The following CNTN5 variants were observed in gnomAD, a reference collection of about 807,000 sequenced individuals.
CNTN5 encodes the protein contactin 5.
Under a neutral mutation model 129.1 loss-of-function variants are expected in CNTN5, and 77 were observed. That is an observed-to-expected ratio of 0.60 (90% CI 0.50 to 0.72). The LOEUF (loss-of-function observed/expected upper bound fraction) is 0.72. Among genes scored for constraint, CNTN5 ranks in the 30% least tolerant of loss-of-function variants. The pLI, the probability that CNTN5 is intolerant of heterozygous loss-of-function variation, is 0.00. For synonymous variants in CNTN5, 509 were observed against 465.6 expected (o/e 1.09, Z -1.20); for missense variants, 1,478 against 1,328.8 (o/e 1.11, Z -1.75).
chr11:100,042,810 G>T (rs1023555252), intron 9 of CNTN5, among the ~76,000 whole-genome samples: 2 of 152,102 alleles, frequency 1.3e-5, no homozygotes, highest in African/African-American at 4.8e-5. Context: ...AGATATTTTT[G>T]AGCCAAATGA....
At chr11:99,202,699 C>A (rs1186791768) in intron 1 of CNTN5, among the ~76,000 whole-genome samples, 1 of 151,390 alleles carries the variant, frequency 6.6e-6, no homozygotes, top group African/African-American at 2.4e-5. Flanking sequence ...TATAGAAACA[C>A]AGTCCAAAAA....
chr11:99,552,207 G>GTTTTTTTTTTTTTTTTT (rs758718492), intron 2 of CNTN5, among the ~76,000 whole-genome samples: 2 of 146,700 alleles, frequency 1.4e-5, no homozygotes, highest in African/African-American at 2.5e-5. Context: ...CACCTGGTCA[G>GTTTTTTTTTTTTTTTTT]TTTTTGTGTT....
At chr11:99,279,766 A>G (rs984866624) in intron 1 of CNTN5, among the ~76,000 whole-genome samples, 48 of 151,640 alleles carry the variant, frequency 3.2e-4, no homozygotes, top group South Asian at 2.1e-4. Flanking sequence ...TTTTTCTTCA[A>G]TCTCCACGAT....
intron 15 of CNTN5, among the ~76,000 whole-genome samples, chr11:100,195,727 T>C (rs1010032756): frequency 6.6e-6 from 1 of 151,978 alleles, no homozygotes; most frequent in African/African-American, 2.4e-5. Context: ...CTATGGCATG[T>C]ATAAGAAATT....
chr11:100,340,441 C>T, intron 21 of CNTN5, 22 bp from the exon 22 acceptor site: 3 of 1,571,838 alleles, frequency 1.9e-6, no homozygotes, highest in Non-Finnish European at 2.6e-6. Context: ...AATTAACCTG[C>T]CATGTGATAA....
chr11:99,394,943 G>A (rs1010463314), intron 2 of CNTN5, among the ~76,000 whole-genome samples: 5 of 151,682 alleles, frequency 3.3e-5, no homozygotes, highest in African/African-American at 1.2e-4. Flanking sequence ...GTCTAACATC[G>A]ATGGGCATTC....
chr11:99,978,975 A>C (rs1052892178), intron 8 of CNTN5, among the ~76,000 whole-genome samples: 2 of 152,304 alleles, frequency 1.3e-5, no homozygotes, highest in African/African-American at 4.8e-5. Flanking sequence ...TTGCTATCCC[A>C]GTTCTGCCCC....
At chr11:99,372,356 A>G (rs12792538) in intron 2 of CNTN5, among the ~76,000 whole-genome samples, 23,771 of 152,256 alleles carry the variant, frequency 0.16, 1,938 homozygotes, top group South Asian at 0.26. Flanking sequence ...GTACCATTTA[A>G]GCTGTAGTGC....
chr11:99,892,566 C>T (rs1949091249), intron 6 of CNTN5, among the ~76,000 whole-genome samples: 2 of 152,138 alleles, frequency 1.3e-5, no homozygotes, highest in Non-Finnish European at 2.9e-5. Flanking sequence ...TTTCCCAACA[C>T]ATTTTTTAAA....
chr11:99,554,330 T>C (rs1377299784), intron 2 of CNTN5, among the ~76,000 whole-genome samples: 6 of 152,112 alleles, frequency 3.9e-5, no homozygotes. Context: ...ATAAGTTCTT[T>C]ATCTAAGACC....
chr11:99,274,890 T>G (rs1412094748), intron 1 of CNTN5, among the ~76,000 whole-genome samples: 1 of 151,498 alleles, frequency 6.6e-6, no homozygotes, highest in East Asian at 1.9e-4. Context: ...GTATAGTAAT[T>G]AATATTATTA....
intron 2 of CNTN5, among the ~76,000 whole-genome samples, chr11:99,506,326 T>C (rs571369020): frequency 9.2e-5 from 14 of 152,364 alleles, no homozygotes; most frequent in African/African-American, 3.4e-4. Flanking sequence ...TTTAATGGCA[T>C]GAGACAGTTA....
chr11:99,662,210 A>G (rs1427228265), intron 3 of CNTN5, among the ~76,000 whole-genome samples: 1 of 152,192 alleles, frequency 6.6e-6, no homozygotes. Context: ...GAAATAGGAA[A>G]CAAAGTTGTT....
chr11:99,669,685 T>C (rs1952956173), intron 3 of CNTN5, among the ~76,000 whole-genome samples: 1 of 152,126 alleles, frequency 6.6e-6, no homozygotes, highest in African/African-American at 2.4e-5. Flanking sequence ...CTACCACACT[T>C]TTATGATTTA....
rs1209130733 is a variant in CNTN5 at position 100,350,767 on chromosome 11, A to G, written c.3096A>G (p.Val1032=). ...QVIETQKLQA[V]VPLPDAGVYI... ...TTGAAACACAGAAACTTCAAGCAGT[A>G]GTACCACTCCCAGATGCTGGAGTCT... is the stretch of plus-strand genomic sequence containing the variant. The change falls in exon 24 of 25, where the codon GTA becomes GTG. Residue 1032 remains valine, a synonymous_variant. Coordinates refer to ENST00000524871, the MANE Select transcript of CNTN5 (RefSeq NM_014361.4). 1 of 1,609,460 alleles carries G rather than the reference A, an allele frequency of 6.2e-7. No individual in the cohort carries two copies. The highest frequency in any genetic ancestry group is 1.3e-5 in the African/African-American group (1 of 74,822).
In CNTN5 at chr11:99,423,474, C is replaced by T. The variant is rs185427231; in HGVS notation, c.-71+97990C>T. Among the ~76,000 whole-genome samples, 208 of 152,274 alleles carry T rather than the reference C, an allele frequency of 1.4e-3. 1 individual carries two copies. The highest frequency in any genetic ancestry group is 4.8e-3 in the African/African-American group (200 of 41,566). On this transcript the variant is annotated intron_variant, in intron 2 of 24. Coordinates refer to ENST00000524871, the MANE Select transcript of CNTN5 (RefSeq NM_014361.4). ...TTTAGTTTCTAAAAATATTCATATA[C>T]ATTTCAAAGAAACAGAAAAAGTACT...
chr11:99,211,863 T>C (rs1055282839), intron 1 of CNTN5, among the ~76,000 whole-genome samples: 1 of 152,154 alleles, frequency 6.6e-6, no homozygotes, highest in South Asian at 2.1e-4. Context: ...CTGATCTAAG[T>C]CTATTCTTTT....
intron 3 of CNTN5, among the ~76,000 whole-genome samples, chr11:99,624,491 CCT>C (rs1283483293): frequency 6.6e-6 from 1 of 151,966 alleles, no homozygotes; most frequent in African/African-American, 2.4e-5. Flanking sequence ...TGTTAATCCT[CCT>C]TATCAGATGA....
chr11:99,322,219 G>T (rs1214633207), intron 1 of CNTN5, among the ~76,000 whole-genome samples: 4 of 152,072 alleles, frequency 2.6e-5, no homozygotes, highest in Non-Finnish European at 5.9e-5. Flanking sequence ...CCCCCAGCTT[G>T]CAGTCGGCGG....
Sources: gnomAD v4.1 joint callset for allele counts (sites outside exome capture counted in the v4.1 genomes callset) on GRCh38, gnomAD v4.1.1 for gene constraint, MANE v1.5 for transcripts, NCBI Gene and HGNC (gene_info 2026-07-23, HGNC 2026-07-21) for gene names.